DOCK2: variants seen among roughly 807,000 people sequenced by gnomAD.
DOCK2 encodes the protein dedicator of cytokinesis 2, also known as dedicator of cytokinesis protein 2.
In DOCK2, 87 loss-of-function variants were observed where a neutral mutation model predicts 248.9. That is an observed-to-expected ratio of 0.35 (90% CI 0.29 to 0.42). The LOEUF is 0.42. Among genes scored for constraint, DOCK2 ranks in the 10% least tolerant of loss-of-function variants. DOCK2 has a pLI of 1.00. For synonymous variants in DOCK2, 805 were observed against 821.6 expected (o/e 0.98, Z 0.35); for missense variants, 1,747 against 2,300.2 (o/e 0.76, Z 4.92).
intron 6 of DOCK2, among the ~76,000 whole-genome samples, chr5:169,681,073 A>G (rs555298968): frequency 6.9e-6 from 1 of 145,308 alleles, no homozygotes; most frequent in South Asian, 2.3e-4. Flanking sequence ...TCCATTATAG[A>G]TAGATCACTG....
chr5:170,082,888 G>T lies in DOCK2; in HGVS notation c.*30G>T. 1 of 1,614,062 alleles carries T rather than the reference G, an allele frequency of 6.2e-7. No homozygotes were observed. The highest frequency in any genetic ancestry group is 1.1e-5 in the South Asian group (1 of 91,074). On this transcript the variant is annotated 3_prime_UTR_variant, in exon 52 of 52. Transcript: ENST00000520908. ...CTGCTGACTAGGGCTGCATGGGAGAGCCAGGGAGGGGAGTTTCTGGAAGAG... is the reference window on the plus strand; with the variant it reads ...CTGCTGACTAGGGCTGCATGGGAGATCCAGGGAGGGGAGTTTCTGGAAGAG...
chr5:169,937,490 A>T (rs993956489), intron 27 of DOCK2, among the ~76,000 whole-genome samples: 1 of 152,246 alleles, frequency 6.6e-6, no homozygotes, highest in Non-Finnish European at 1.5e-5. Context: ...TGCTTGGCAC[A>T]TAGTAAGTGT....
intron 26 of DOCK2, among the ~76,000 whole-genome samples, chr5:169,820,812 A>G (rs990475560): frequency 2.6e-5 from 4 of 152,212 alleles, no homozygotes; most frequent in Admixed American, 1.3e-4. Context: ...CAGACGATCA[A>G]ACTACTCTGA....
In DOCK2 at chr5:170,027,850, C is replaced by T. The variant is rs745567874; in HGVS notation, c.3382-13C>T. 3 of 1,609,718 alleles carry T rather than the reference C, an allele frequency of 1.9e-6. No individual in the cohort carries two copies. Among genetic ancestry groups the T allele is most frequent in the Non-Finnish European group, 2.5e-6 (3 of 1,178,116 alleles). ...CTGATGTTATTGTTGATTTTTGTCT[C>T]CTACATCTTCAGTTTGAAAACGAAA... On this transcript the variant is annotated splice_polypyrimidine_tract_variant and intron_variant, in intron 33 of 51. Transcript: ENST00000520908.
intron 27 of DOCK2, among the ~76,000 whole-genome samples, chr5:169,904,989 A>C (rs1192594197): frequency 2.6e-5 from 4 of 152,162 alleles, no homozygotes; most frequent in African/African-American, 9.7e-5. Flanking sequence ...TAAGCAACTG[A>C]ACCTCCCTGA....
intron 40 of DOCK2, 127 bp from the exon 41 acceptor site, chr5:170,050,129 C>G: frequency 1.6e-6 from 2 of 1,265,786 alleles, no homozygotes; most frequent in Non-Finnish European, 2.2e-6. Flanking sequence ...TGTGGGGAAA[C>G]CAAGAGGAGA....
At chr5:170,029,446 C>T (rs569761612) in intron 34 of DOCK2, among the ~76,000 whole-genome samples, 6 of 152,344 alleles carry the variant, frequency 3.9e-5, no homozygotes, top group African/African-American at 1.4e-4. Context: ...CACTTAGCAG[C>T]TGCAAGACTT....
chr5:169,689,022 A>G (rs1180083159), intron 8 of DOCK2, among the ~76,000 whole-genome samples: 1 of 152,152 alleles, frequency 6.6e-6, no homozygotes, highest in East Asian at 1.9e-4. Context: ...GGAGAGGGAT[A>G]GTAGTGGCAA....
rs577257704 is a variant in DOCK2 at position 169,691,411 on chromosome 5, G to A, written c.843+2078G>A. ...TGATGGTGCTCTCACTTCTTATATC[G>A]ATCCAAGAGCTAGCCAATGAGTGCC... is the stretch of plus-strand genomic sequence containing the variant. On this transcript the variant is annotated intron_variant, in intron 9 of 51. Coordinates refer to ENST00000520908, the MANE Select transcript of DOCK2 (RefSeq NM_004946.3). Among the ~76,000 whole-genome samples, 3 of 152,230 alleles carry A rather than the reference G, an allele frequency of 2.0e-5. No homozygotes were observed. The East Asian group carries it at 5.8e-4, about 29-fold the overall frequency.
intron 27 of DOCK2, among the ~76,000 whole-genome samples, chr5:169,891,995 CA>C (rs571918885): frequency 0.16 from 10,158 of 64,096 alleles, 238 homozygotes; most frequent in Admixed American, 0.21. Context: ...GATTCCGTCC[CA>C]AAAAAAAAAA....
chr5:169,730,776 C>A (rs1362986079), intron 22 of DOCK2, among the ~76,000 whole-genome samples: 1 of 152,178 alleles, frequency 6.6e-6, no homozygotes, highest in Non-Finnish European at 1.5e-5. Context: ...ACCACACTTA[C>A]TATTTTTAAG....
chr5:170,055,933 G>T (rs1430927859), intron 42 of DOCK2, among the ~76,000 whole-genome samples: 1 of 152,228 alleles, frequency 6.6e-6, no homozygotes. Context: ...CCACAAGGTG[G>T]GGCCTCTGTG....
At chr5:169,913,488 A>G (rs1234638472) in intron 27 of DOCK2, among the ~76,000 whole-genome samples, 2 of 152,338 alleles carry the variant, frequency 1.3e-5, no homozygotes, top group East Asian at 1.9e-4. Context: ...CCTATTTTCT[A>G]CTGGCTTCTT....
At chr5:169,995,958 C>T in intron 29 of DOCK2, 128 bp from the exon 30 acceptor site, 1 of 893,222 alleles carries the variant, frequency 1.1e-6, no homozygotes, top group South Asian at 1.7e-5. Flanking sequence ...TAGCTGACCT[C>T]TCTAAATCAG....
chr5:169,996,183 AG>A lies in DOCK2; in HGVS notation c.3072+20del, dbSNP rs750727135. On this transcript the variant is annotated intron_variant, in intron 30 of 51. Coordinates refer to ENST00000520908, the MANE Select transcript of DOCK2 (RefSeq NM_004946.3). Reference sequence around the variant, plus strand: ...GTTCCAGGTGAGTATAAGCCACCAGAGCTACCCTTGGAGCTGCCCAGGGCGT... The same window carrying A: ...GTTCCAGGTGAGTATAAGCCACCAGACTACCCTTGGAGCTGCCCAGGGCGT... 6.2e-7 allele frequency: 1 copy of A among 1,612,728 alleles called. No homozygotes were observed. Among genetic ancestry groups the A allele is most frequent in the East Asian group, 2.2e-5 (1 of 44,822 alleles).
At chr5:169,870,645 C>T (rs139945015) in intron 27 of DOCK2, among the ~76,000 whole-genome samples, 1 of 151,776 alleles carries the variant, frequency 6.6e-6, no homozygotes, top group Admixed American at 6.6e-5. Context: ...GGTACATGTG[C>T]ACAATGTGCA....
chr5:169,642,364 G>C (rs1276871681), intron 1 of DOCK2, among the ~76,000 whole-genome samples: 2 of 152,150 alleles, frequency 1.3e-5, no homozygotes, highest in Non-Finnish European at 2.9e-5. Flanking sequence ...AGATGAAAAA[G>C]AATTTCATGA....
Position 169,695,844 on chromosome 5 carries a change from G to A in DOCK2, c.885G>A (p.Leu295=). The change falls in exon 10 of 52, where the codon TTG becomes TTA. Residue 295 remains leucine (L), a synonymous_variant. Coordinates refer to ENST00000520908, the MANE Select transcript of DOCK2 (RefSeq NM_004946.3). The part of the protein sequence containing the change: ...NKDLNRDKIY[L]ICQIVRVGKM... The stretch of plus-strand genomic sequence containing the variant: ...ACCTCAACAGGGATAAAATTTACTT[G>A]ATTTGTCAAATAGTCCGGGTCGGCA... 1 of 1,613,892 alleles carries A rather than the reference G, an allele frequency of 6.2e-7. No homozygotes were observed. Among genetic ancestry groups the A allele is most frequent in the Non-Finnish European group, 8.5e-7 (1 of 1,179,928 alleles).
At chr5:170,064,329 G>A (rs1561905035) in intron 44 of DOCK2, among the ~76,000 whole-genome samples, 1 of 152,038 alleles carries the variant, frequency 6.6e-6, no homozygotes, top group African/African-American at 2.4e-5. Context: ...ACTCAGCAGG[G>A]AATCCAAATA....
Sources: allele counts gnomAD v4.1 joint callset (sites outside exome capture counted in the v4.1 genomes callset), GRCh38; gene constraint gnomAD v4.1.1; transcripts MANE v1.5; gene names NCBI Gene and HGNC (gene_info 2026-07-23, HGNC 2026-07-21).